The following OSBPL9 variants were observed in gnomAD, a reference collection of about 807,000 sequenced individuals.
The protein encoded by OSBPL9 is oxysterol-binding protein-related protein 9.
A neutral mutation model predicts 106.6 loss-of-function variants in OSBPL9; 40 were observed. That is an observed-to-expected ratio of 0.38 (90% CI 0.29 to 0.49). The LOEUF (loss-of-function observed/expected upper bound fraction) is 0.49. Among genes scored for constraint, OSBPL9 ranks in the 20% least tolerant of loss-of-function variants. OSBPL9 has a pLI of 0.97. For missense variants in OSBPL9, 609 were observed against 887.2 expected, an observed-to-expected ratio of 0.69 and a Z score of 3.98; for synonymous variants, 269 against 295.4, an observed-to-expected ratio of 0.91 and a Z score of 0.92.
chr1:51,736,007 C>T (rs1005359259), intron 4 of OSBPL9, among the ~76,000 whole-genome samples: 6 of 152,118 alleles, frequency 3.9e-5, no homozygotes, highest in African/African-American at 1.4e-4. Flanking sequence ...CACGAATATT[C>T]TGATTTATAA....
chr1:51,526,295 G>C, the OSBPL9 span, among the ~76,000 whole-genome samples: 16 of 152,314 alleles, frequency 1.1e-4, no homozygotes, highest in South Asian at 3.3e-3. Context: ...TGTCAGCAAA[G>C]CCCAGAAGAG....
In OSBPL9 at chr1:51,694,356, G is replaced by C. The variant is rs374330747; in HGVS notation, c.242-19647G>C. Among the ~76,000 whole-genome samples, 101 of 152,270 alleles carry C rather than the reference G, an allele frequency of 6.6e-4. 1 individual carries two copies. The South Asian group carries it at 0.021, about 31-fold the overall frequency. On this transcript the variant is annotated intron_variant, in intron 3 of 23. Transcript: ENST00000428468. ...AGAAGACAGCTGGATTCTCATATCT[G>C]CTTATGCATTCAATCTATTATGATG...
At chr1:51,560,586 A>C in the OSBPL9 span, among the ~76,000 whole-genome samples, 1 of 152,212 alleles carries the variant, frequency 6.6e-6, no homozygotes, top group Admixed American at 6.5e-5. Flanking sequence ...ATCATGGCCA[A>C]GGCCTTTACT....
At chr1:51,728,756 TC>T (rs1014081885) in intron 4 of OSBPL9, among the ~76,000 whole-genome samples, 1 of 151,832 alleles carries the variant, frequency 6.6e-6, no homozygotes, top group Non-Finnish European at 1.5e-5. Flanking sequence ...CCTCCCTCCT[TC>T]CCCCGCCTCT....
chr1:51,675,351 AAATT>A (rs796335507), intron 3 of OSBPL9, among the ~76,000 whole-genome samples: 15 of 152,058 alleles, frequency 9.9e-5, no homozygotes, highest in African/African-American at 2.9e-4. Context: ...GAGAAGCCAG[AAATT>A]AATTAATTAA....
At chr1:51,537,215 C>A in the OSBPL9 span, among the ~76,000 whole-genome samples, 1 of 152,006 alleles carries the variant, frequency 6.6e-6, no homozygotes, top group African/African-American at 2.4e-5. Flanking sequence ...ATAAACATTA[C>A]CCTTATTATT....
chr1:51,675,945 T>A (rs1651083986), intron 3 of OSBPL9, among the ~76,000 whole-genome samples: 1 of 152,194 alleles, frequency 6.6e-6, no homozygotes, highest in Non-Finnish European at 1.5e-5. Flanking sequence ...TTTTAACTCA[T>A]GCAGTTTTCA....
intron 4 of OSBPL9, among the ~76,000 whole-genome samples, chr1:51,731,224 C>T (rs1038810161): frequency 1.3e-5 from 2 of 151,448 alleles, no homozygotes; most frequent in Non-Finnish European, 2.9e-5. Flanking sequence ...TTGTTTGAGT[C>T]CAGGAGCTGG....
At position 51,765,990 on chromosome 1, in the gene OSBPL9, A is replaced by G. The variant is rs1233438440; in HGVS notation, c.938+9A>G. 6.3e-7 allele frequency: 1 copy of G among 1,594,876 alleles called. No homozygotes were observed. Among genetic ancestry groups the G allele is most frequent in the African/African-American group, 1.4e-5 (1 of 73,760 alleles). The stretch of plus-strand genomic sequence containing the variant: ...CCAAAGCGCTTAATAGAGTGAGTAG[A>G]TGAACAGAATATGTATTTAAATGAT... On this transcript the variant is annotated intron_variant, in intron 12 of 23. Transcript: ENST00000428468.
chr1:51,772,531 C>T lies in OSBPL9; in HGVS notation c.1052-74C>T, dbSNP rs1013923023. The T allele has an allele frequency of 5.7e-6, 7 of 1,217,410 alleles. No homozygotes were observed. In the Admixed American group the frequency reaches 1.2e-4, roughly 21 times the overall value. The allele number at this position is 1,217,410 out of a possible 1,614,324, so 75.4% of individuals were successfully genotyped here. A position where few individuals can be genotyped will look rare whatever the true frequency, so the allele number is the denominator to read the frequency against. Reference sequence around the variant, plus strand: ...ACTCCATCTCAAACAAACAAACAAACAAAATTGTAATTCTAGTATCAGGAC... The same window carrying T: ...ACTCCATCTCAAACAAACAAACAAATAAAATTGTAATTCTAGTATCAGGAC... On this transcript the variant is annotated intron_variant, in intron 13 of 23. Coordinates refer to ENST00000428468, the MANE Select transcript of OSBPL9 (RefSeq NM_024586.6).
At chr1:51,596,014 T>C (rs1645297611) in intron 1 of OSBPL9, among the ~76,000 whole-genome samples, 2 of 152,164 alleles carry the variant, frequency 1.3e-5, no homozygotes, top group South Asian at 4.2e-4. Context: ...TCCAGCACTT[T>C]GGGAGGCCGA....
intron 1 of OSBPL9, among the ~76,000 whole-genome samples, chr1:51,634,705 G>C (rs75208832): frequency 0.012 from 1,807 of 152,230 alleles, 36 homozygotes; most frequent in African/African-American, 0.042. Flanking sequence ...GAGGAAACAT[G>C]GTGTATTAGT....
intron 3 of OSBPL9, among the ~76,000 whole-genome samples, chr1:51,682,556 G>C (rs1349439821): frequency 6.6e-6 from 1 of 151,986 alleles, no homozygotes; most frequent in Non-Finnish European, 1.5e-5. Context: ...TCAGGAGTTT[G>C]AGACCAGCCA....
chr1:51,642,986 T>A (rs765553713), intron 1 of OSBPL9, among the ~76,000 whole-genome samples: 3 of 152,258 alleles, frequency 2.0e-5, no homozygotes, highest in Non-Finnish European at 4.4e-5. Flanking sequence ...CTAGATAATT[T>A]ATAAAGGAAA....
At chr1:51,643,739 G>A (rs980676253) in intron 1 of OSBPL9, among the ~76,000 whole-genome samples, 1 of 152,098 alleles carries the variant, frequency 6.6e-6, no homozygotes, top group African/African-American at 2.4e-5. Flanking sequence ...CCTGGCTCCT[G>A]TGTGGAGAAA....
At chr1:51,535,606 G>A in the OSBPL9 span, among the ~76,000 whole-genome samples, 1 of 151,826 alleles carries the variant, frequency 6.6e-6, no homozygotes, top group African/African-American at 2.4e-5. Flanking sequence ...CGCCCAGGCT[G>A]GAGTGCATTG....
intron 4 of OSBPL9, among the ~76,000 whole-genome samples, chr1:51,741,533 C>T (rs1666911761): frequency 6.7e-6 from 1 of 150,164 alleles, no homozygotes; most frequent in South Asian, 2.1e-4. Context: ...TCCCTCTCTC[C>T]CCACTCCCTC....
At chr1:51,752,563 CAT>C in intron 8 of OSBPL9, 6 of 455,732 alleles carry the variant, frequency 1.3e-5, no homozygotes, top group Non-Finnish European at 1.8e-5. Context: ...CATGGGCTGC[CAT>C]AACAAAATAC....
chr1:51,584,767 A>C lies in OSBPL9; in HGVS notation c.-423+7511A>C, dbSNP rs75120331. 6.6e-3 allele frequency among the ~76,000 whole-genome samples: 998 copies of C among 152,282 alleles called. 6 individuals are homozygous for C. The highest frequency in any genetic ancestry group is 0.023 in the African/African-American group (971 of 41,562). ...TAAAATTAAAAAATAAAGCCCTTGC[A>C]CATCCTCTGGTTGCTGTGTTGCTCT... On this transcript the variant is annotated intron_variant, in intron 1 of 25. Coordinates refer to the OSBPL9 transcript ENST00000371714.
Sources: gnomAD v4.1 joint callset for allele counts (sites outside exome capture counted in the v4.1 genomes callset) on GRCh38, gnomAD v4.1.1 for gene constraint, MANE v1.5 for transcripts, NCBI Gene and HGNC (gene_info 2026-07-23, HGNC 2026-07-21) for gene names.